INPP4B: variants seen among roughly 807,000 people sequenced by gnomAD.
The protein encoded by INPP4B is inositol polyphosphate 4-phosphatase type II.
A neutral mutation model predicts 122.5 loss-of-function variants in INPP4B; 55 were observed. That is an observed-to-expected ratio of 0.45 (90% CI 0.36 to 0.56). The LOEUF is 0.56. INPP4B is among the 20% of genes least tolerant of loss of function. INPP4B has a pLI of 0.00. For synonymous variants in INPP4B, 403 were observed against 388.7 expected (o/e 1.04, Z -0.43); for missense variants, 1,000 against 1,097.7 (o/e 0.91, Z 1.26).
intron 25 of INPP4B, among the ~76,000 whole-genome samples, chr4:142,052,584 C>CT (rs1212989563): frequency 6.6e-6 from 1 of 151,876 alleles, no homozygotes; most frequent in Admixed American, 6.6e-5. Flanking sequence ...CATTTTAGAG[C>CT]TTTTTAACAA....
In INPP4B at chr4:142,024,530, A is replaced by G. The variant is rs1736431625; in HGVS notation, c.*4252T>C. 6.6e-6 allele frequency: 1 copy of G among 152,148 alleles called. No homozygotes were observed. Among genetic ancestry groups the G allele is most frequent in the Non-Finnish European group, 1.5e-5 (1 of 68,016 alleles). The allele number at this position is 152,148 out of a possible 1,614,324, so 9.4% of individuals were successfully genotyped here. ...CTAAATCTGTGATAAAAGCTAATTT[A>G]TTTCCTAAAAGACTACAAATGGTGC... On this transcript the variant is annotated 3_prime_UTR_variant, in exon 26 of 26. Transcript: ENST00000262992.
chr4:142,748,497 A>T (rs532022859), intron 1 of INPP4B, among the ~76,000 whole-genome samples: 1 of 152,136 alleles, frequency 6.6e-6, no homozygotes, highest in South Asian at 2.1e-4. Flanking sequence ...AAGTAATCAG[A>T]AAAAAGAAGA....
intron 15 of INPP4B, among the ~76,000 whole-genome samples, chr4:142,178,027 G>T (rs1228820637): frequency 6.6e-6 from 1 of 151,904 alleles, no homozygotes; most frequent in East Asian, 1.9e-4. Context: ...TCCATCTCTA[G>T]CCTGGACTTT....
At chr4:142,744,224 A>G (rs1768324508) in intron 1 of INPP4B, among the ~76,000 whole-genome samples, 2 of 151,966 alleles carry the variant, frequency 1.3e-5, no homozygotes, top group Non-Finnish European at 2.9e-5. Context: ...AAATAGTAGA[A>G]GAGTCAGTGA....
chr4:142,691,989 A>C (rs1760250899), intron 2 of INPP4B, among the ~76,000 whole-genome samples: 1 of 152,196 alleles, frequency 6.6e-6, no homozygotes, highest in South Asian at 2.1e-4. Context: ...AATGTTCCCA[A>C]AACAGAATCA....
At chr4:142,723,055 T>C (rs956664204) in intron 2 of INPP4B, among the ~76,000 whole-genome samples, 2 of 152,110 alleles carry the variant, frequency 1.3e-5, no homozygotes, top group Admixed American at 6.5e-5. Flanking sequence ...ATAAAACCAA[T>C]CTGTAAACAA....
chr4:142,448,980 G>T (rs1378673067), intron 3 of INPP4B, among the ~76,000 whole-genome samples: 1 of 152,166 alleles, frequency 6.6e-6, no homozygotes, highest in Non-Finnish European at 1.5e-5. Flanking sequence ...CAGGGCAATG[G>T]ATGTACATGC....
At chr4:142,428,346 T>C (rs1808559127) in intron 5 of INPP4B, among the ~76,000 whole-genome samples, 1 of 151,064 alleles carries the variant, frequency 6.6e-6, no homozygotes, top group Non-Finnish European at 1.5e-5. Flanking sequence ...GTATACGAAA[T>C]TGAATATGTG....
intron 2 of INPP4B, among the ~76,000 whole-genome samples, chr4:142,667,434 G>T (rs1221952297): frequency 6.6e-6 from 1 of 152,112 alleles, no homozygotes; most frequent in Non-Finnish European, 1.5e-5. Flanking sequence ...CACTGTATTG[G>T]CCTGTATCAA....
At chr4:142,299,129 G>C (rs1001485790) in intron 9 of INPP4B, among the ~76,000 whole-genome samples, 2 of 150,968 alleles carry the variant, frequency 1.3e-5, no homozygotes, top group Non-Finnish European at 3.0e-5. Context: ...ATGTTTTCCT[G>C]CTTTTTCACT....
intron 1 of INPP4B, among the ~76,000 whole-genome samples, chr4:142,811,249 C>G (rs907501896): frequency 6.6e-6 from 1 of 152,104 alleles, no homozygotes; most frequent in African/African-American, 2.4e-5. Context: ...ATCATTGCCT[C>G]AGAGGAGCAT....
chr4:142,712,585 C>T (rs1393580036), intron 2 of INPP4B, among the ~76,000 whole-genome samples: 7 of 151,500 alleles, frequency 4.6e-5, no homozygotes, highest in Middle Eastern at 3.4e-3. Context: ...CATTGTATAT[C>T]GAAAGAAAAA....
chr4:142,298,015 G>A (rs13119326), intron 9 of INPP4B, among the ~76,000 whole-genome samples: 14,458 of 152,224 alleles, frequency 0.095, 711 homozygotes, highest in South Asian at 0.17. Context: ...TCTGGGTAAT[G>A]CAGGTGGTGA....
At chr4:142,646,112 T>C (rs2150510201) in intron 2 of INPP4B, among the ~76,000 whole-genome samples, 1 of 152,332 alleles carries the variant, frequency 6.6e-6, no homozygotes, top group South Asian at 2.1e-4. Flanking sequence ...TTGCTATATT[T>C]TGTTTGTAGT....
chr4:142,673,416 CA>C lies in INPP4B; in HGVS notation c.-191+52422del, dbSNP rs35627855. Among the ~76,000 whole-genome samples the C allele has an allele frequency of 4.6e-3, 594 of 129,838 alleles. 3 individuals carry two copies. Among genetic ancestry groups the C allele is most frequent in the African/African-American group, 5.7e-3 (198 of 34,962 alleles). The allele number at this position is 129,838 out of a possible 152,430, so 85.2% of individuals were successfully genotyped here. A position where few individuals can be genotyped will look rare whatever the true frequency, so the allele number is the denominator to read the frequency against. On this transcript the variant is annotated intron_variant, in intron 2 of 25. Coordinates refer to ENST00000262992, the MANE Select transcript of INPP4B (RefSeq NM_001101669.3). The stretch of plus-strand genomic sequence containing the variant: ...CTCTTCATGCCAATAAACCAGGAGA[CA>C]AAAAAAAAAAAAAGTCACACTTCTT...
intron 12 of INPP4B, among the ~76,000 whole-genome samples, chr4:142,230,643 CAAAA>C (rs11309327): frequency 1.3e-5 from 1 of 79,592 alleles, no homozygotes; most frequent in East Asian, 3.5e-4. Context: ...AACTCCACCT[CAAAA>C]AAAAAAAAAA....
chr4:142,029,260 T>G (rs1283047687), intron 25 of INPP4B: 2 of 998,628 alleles, frequency 2.0e-6, no homozygotes, highest in African/African-American at 3.5e-5. Flanking sequence ...TCAGTCTCTT[T>G]AAAACACATT....
At chr4:142,402,862 T>A in intron 7 of INPP4B, 76 bp downstream of exon 7, 1 of 787,092 alleles carries the variant, frequency 1.3e-6, no homozygotes, top group Non-Finnish European at 2.3e-6. Context: ...TTGAAAAATG[T>A]CAGTTACACA....
At chr4:142,142,333 A>T (rs1366382166) in intron 18 of INPP4B, among the ~76,000 whole-genome samples, 2 of 152,160 alleles carry the variant, frequency 1.3e-5, no homozygotes, top group African/African-American at 4.8e-5. Context: ...GGCAGGAAAT[A>T]AGTGAAAATA....
Sources: allele counts gnomAD v4.1 joint callset (sites outside exome capture counted in the v4.1 genomes callset), GRCh38; gene constraint gnomAD v4.1.1; transcripts MANE v1.5; gene names NCBI Gene and HGNC (gene_info 2026-07-23, HGNC 2026-07-21).